TUT4: variants seen among roughly 807,000 people sequenced by gnomAD.
TUT4 encodes the protein terminal uridylyltransferase 4.
Under a neutral mutation model 192.2 loss-of-function variants are expected in TUT4, and 36 were observed. That is an observed-to-expected ratio of 0.19 (90% CI 0.14 to 0.25). TUT4 has a LOEUF of 0.25. Among genes scored for constraint, TUT4 ranks in the 10% least tolerant of loss-of-function variants. The probability of loss-of-function intolerance (pLI) is 1.00; values close to 1 mark genes in which losing one functional copy is unlikely to be tolerated. For missense variants in TUT4, 1,493 were observed against 1,957.2 expected, an observed-to-expected ratio of 0.76 and a Z score of 4.47; for synonymous variants, 618 against 666.0, an observed-to-expected ratio of 0.93 and a Z score of 1.11.
chr1:52,446,450 T>TAAAAAA lies in TUT4; in HGVS notation c.3514-14_3514-9dup. ...TGAAGGTAAACGCTTTTTCTACATA[T>TAAAAAA]AAAAAAAAAAAGAAAAGAACAATGT... On this transcript the variant is annotated splice_polypyrimidine_tract_variant and intron_variant, in intron 21 of 29. Transcript: ENST00000257177. 1 of 1,363,412 alleles carries TAAAAAA rather than the reference T, an allele frequency of 7.3e-7. No homozygotes were observed. The allele number at this position is 1,363,412 out of a possible 1,614,324, so 84.5% of individuals were successfully genotyped here.
intron 11 of TUT4, among the ~76,000 whole-genome samples, chr1:52,479,717 G>A (rs892469893): frequency 9.2e-5 from 14 of 152,140 alleles, no homozygotes; most frequent in East Asian, 1.9e-4. Context: ...TTAGACGGCC[G>A]GGCGCGGAGG....
In TUT4 at chr1:52,553,090, A is replaced by C. The variant is rs1689913508; in HGVS notation, c.-253T>G. On this transcript the variant is annotated 5_prime_UTR_variant, in exon 1 of 30. Transcript: ENST00000257177. ...CACCGCCATGTCCGCCGCGCCGCGA[A>C]CTGCATTGTGGGGGGGAAGGGATGG... The C allele has an allele frequency of 6.9e-6, 1 of 144,528 alleles. No homozygotes were observed. Among genetic ancestry groups the C allele is most frequent in the Non-Finnish European group, 1.5e-5 (1 of 65,744 alleles). 9.0% of individuals were successfully genotyped at this position (144,528 alleles called of 1,614,324 possible).
intron 11 of TUT4, among the ~76,000 whole-genome samples, chr1:52,479,156 T>C (rs149247604): frequency 6.6e-6 from 1 of 151,784 alleles, no homozygotes; most frequent in Non-Finnish European, 1.5e-5. Context: ...ACACAAAGAA[T>C]GAGACCAGTT....
At chr1:52,547,979 A>G (rs1456029198) in intron 1 of TUT4, among the ~76,000 whole-genome samples, 1 of 152,220 alleles carries the variant, frequency 6.6e-6, no homozygotes, top group Non-Finnish European at 1.5e-5. Context: ...GTATCTTTTA[A>G]AAGTGTGAAT....
At chr1:52,538,750 T>C (rs1214153907) in intron 1 of TUT4, 2 of 151,470 alleles carry the variant, frequency 1.3e-5, no homozygotes, top group African/African-American at 4.9e-5. Context: ...TCCTTACTAA[T>C]ATTACTTCCC....
At chr1:52,511,255 A>G (rs1184643810) in intron 3 of TUT4, among the ~76,000 whole-genome samples, 1 of 152,202 alleles carries the variant, frequency 6.6e-6, no homozygotes, top group African/African-American at 2.4e-5. Context: ...AGTTGGCTCA[A>G]TCTAGTTATT....
chr1:52,436,763 C>T lies in TUT4; in HGVS notation c.4154G>A (p.Ser1385Asn), dbSNP rs751607874. ...TGGCCTTTTCTATTTACCTGCCACACTGCTATTCCTCTGACGGGCCAGCTT... is the reference window on the plus strand; with the variant it reads ...TGGCCTTTTCTATTTACCTGCCACATTGCTATTCCTCTGACGGGCCAGCTT... ...EVKLARQRNS[S>N]VAAAQLVRNL... Residue 1385 changes from serine (S) to asparagine (N), a missense_variant, in exon 26 of 30, where the codon AGT (serine) becomes AAT (asparagine). By Grantham distance (46) the Ser-to-Asn change is conservative. Transcript: ENST00000257177. The T allele has an allele frequency of 1.3e-4, 202 of 1,613,216 alleles. No individual in the cohort carries two copies. The highest frequency in any genetic ancestry group is 1.6e-4 in the Non-Finnish European group (191 of 1,180,022).
chr1:52,520,146 A>G (rs1372476568), intron 2 of TUT4, among the ~76,000 whole-genome samples: 1 of 152,206 alleles, frequency 6.6e-6, no homozygotes, highest in Non-Finnish European at 1.5e-5. Flanking sequence ...AGTTGAGGAA[A>G]TTCAAGAAAA....
intron 3 of TUT4, among the ~76,000 whole-genome samples, chr1:52,512,629 TAAAA>T (rs1462113774): frequency 1.3e-5 from 2 of 152,100 alleles, no homozygotes; most frequent in African/African-American, 2.4e-5. Context: ...AAAAAATACA[TAAAA>T]AAAGTTAAAC....
chr1:52,526,024 A>G lies in TUT4; in HGVS notation c.257T>C (p.Leu86Ser). 6.2e-7 allele frequency: 1 copy of G among 1,613,712 alleles called. No individual in the cohort carries two copies. The highest frequency in any genetic ancestry group is 8.5e-7 in the Non-Finnish European group (1 of 1,179,906). Residue 86 changes from leucine to serine, a missense_variant, in exon 2 of 30, where the codon TTG becomes TCG. Transcript: ENST00000257177. ...NAANLPGPKD[L>S]GLVLRDQSHC... ...ACTTTGATCTCGAAGGACTAACCCC[A>G]AATCTTTAGGACCTGGAAGGTTGGC...
intron 4 of TUT4, among the ~76,000 whole-genome samples, chr1:52,507,479 T>G (rs899323895): frequency 1.3e-5 from 2 of 152,186 alleles, no homozygotes; most frequent in African/African-American, 4.8e-5. Flanking sequence ...ATTTTTTTTT[T>G]GTTTGTCATT....
At chr1:52,433,716 C>G (rs1226801034) in intron 27 of TUT4, 1 of 152,150 alleles carries the variant, frequency 6.6e-6, no homozygotes, top group Non-Finnish European at 1.5e-5. Flanking sequence ...GTTCTGATTC[C>G]AAGTGTCTAT....
chr1:52,512,869 G>C (rs1253242188), intron 3 of TUT4, among the ~76,000 whole-genome samples: 1 of 151,208 alleles, frequency 6.6e-6, no homozygotes, highest in African/African-American at 2.4e-5. Flanking sequence ...ATAATCTATG[G>C]AAACACTGAA....
intron 16 of TUT4, 40 bp downstream of exon 16, chr1:52,465,030 G>T: frequency 6.8e-7 from 1 of 1,475,120 alleles, no homozygotes; most frequent in Non-Finnish European, 9.2e-7. Context: ...TCGTCATTGG[G>T]AGAAAATAAA....
intron 24 of TUT4, among the ~76,000 whole-genome samples, chr1:52,445,047 G>A (rs1298287135): frequency 6.6e-6 from 1 of 151,040 alleles, no homozygotes; most frequent in Non-Finnish European, 1.5e-5. Context: ...ATATGTGTGT[G>A]TGTGTCTGTG....
intron 19 of TUT4, among the ~76,000 whole-genome samples, chr1:52,459,004 T>C (rs904952505): frequency 6.6e-6 from 1 of 151,986 alleles, no homozygotes; most frequent in Non-Finnish European, 1.5e-5. Flanking sequence ...AATGGAATGG[T>C]ATGCAACCAT....
chr1:52,449,410 T>A (rs998188045), intron 20 of TUT4, among the ~76,000 whole-genome samples: 4 of 152,234 alleles, frequency 2.6e-5, no homozygotes, highest in African/African-American at 9.6e-5. Flanking sequence ...GCCATTCTTG[T>A]GCCTCAGCCT....
chr1:52,498,823 C>T (rs1673174916), intron 4 of TUT4, among the ~76,000 whole-genome samples: 2 of 143,330 alleles, frequency 1.4e-5, no homozygotes, highest in Non-Finnish European at 3.0e-5. Flanking sequence ...GGAGGTGGAG[C>T]TTGCAGTGAG....
At chr1:52,546,152 TAGA>T (rs1249238579) in intron 1 of TUT4, among the ~76,000 whole-genome samples, 3 of 151,478 alleles carry the variant, frequency 2.0e-5, no homozygotes, top group Non-Finnish European at 4.4e-5. Flanking sequence ...AATAAATAAA[TAGA>T]AGAAGAAGAA....
Sources: gnomAD v4.1 joint callset for allele counts (sites outside exome capture counted in the v4.1 genomes callset) on GRCh38, gnomAD v4.1.1 for gene constraint, MANE v1.5 for transcripts, NCBI Gene and HGNC (gene_info 2026-07-23, HGNC 2026-07-21) for gene names.